Variants in KANK1 observed in about 807,000 individuals in gnomAD.
KANK1 encodes KN motif and ankyrin repeat domain-containing protein 1.
A neutral mutation model predicts 106.2 loss-of-function variants in KANK1; 109 were observed. The observed-to-expected ratio is 1.03, with a 90% CI of 0.88 to 1.20. The LOEUF (loss-of-function observed/expected upper bound fraction) is 1.20. Among genes scored for constraint, KANK1 ranks in the 50% most tolerant of loss-of-function variants. The pLI is 0.00. For missense variants in KANK1, 2,399 were observed against 1,710.7 expected (o/e 1.40, Z -7.10); for synonymous variants, 873 against 652.2 (o/e 1.34, Z -5.16).
chr9:557,341 G>A lies in KANK1; in HGVS notation c.-84+52587G>A, dbSNP rs549005027. 2.6e-5 allele frequency among the ~76,000 whole-genome samples: 4 copies of A among 152,258 alleles called. No homozygotes were observed. In the South Asian group the frequency reaches 8.3e-4, roughly 32 times the overall value. On this transcript the variant is annotated intron_variant, in intron 1 of 11. Coordinates refer to ENST00000382297, the MANE Select transcript of KANK1 (RefSeq NM_015158.5). ...TATATTAAAAAGGCTGGCAAAATAT[G>A]TATCATTGTTGAAGCTTAGTGATGG...
chr9:694,285 A>G (rs1030649031), intron 2 of KANK1, among the ~76,000 whole-genome samples: 2 of 152,226 alleles, frequency 1.3e-5, no homozygotes, highest in Admixed American at 6.5e-5. Context: ...TTTATCCCTA[A>G]GTTAGCCAGT....
chr9:568,648 C>G (rs919155685), intron 1 of KANK1, among the ~76,000 whole-genome samples: 16 of 152,128 alleles, frequency 1.1e-4, no homozygotes, highest in African/African-American at 3.4e-4. Context: ...CATCACCATG[C>G]CTGCCTAATT....
At chr9:543,481 C>T (rs1416740875) in intron 1 of KANK1, among the ~76,000 whole-genome samples, 3 of 151,384 alleles carry the variant, frequency 2.0e-5, no homozygotes, top group African/African-American at 7.3e-5. Flanking sequence ...ATTGCTTGAA[C>T]CCAGGAAGTG....
intron 1 of KANK1, among the ~76,000 whole-genome samples, chr9:655,724 A>G (rs559518719): frequency 6.6e-6 from 1 of 152,358 alleles, no homozygotes; most frequent in East Asian, 1.9e-4. Flanking sequence ...TATAGAACAA[A>G]TAAAAGCAAT....
At chr9:735,831 T>A in intron 7 of KANK1, 1 of 354,690 alleles carries the variant, frequency 2.8e-6, no homozygotes, top group Admixed American at 2.9e-5. Context: ...CTTTCTCTAC[T>A]AAAAATACAA....
rs75692877 is a variant in KANK1 at position 481,308 on chromosome 9, A to C, written c.-362+8035A>C. Among the ~76,000 whole-genome samples the C allele has an allele frequency of 1.5e-3, 231 of 152,132 alleles. 1 individual carries two copies. The highest frequency in any genetic ancestry group is 2.2e-3 in the Non-Finnish European group (150 of 67,994). On this transcript the variant is annotated intron_variant, in intron 3 of 15. Transcript: ENST00000382303. Reference sequence around the variant, plus strand: ...AACAAAACAAAACAAAAAAAAACCCAAAAACAAAAATAGACTGGTCTGGCC... The same window carrying C: ...AACAAAACAAAACAAAAAAAAACCCCAAAACAAAAATAGACTGGTCTGGCC...
intron 1 of KANK1, among the ~76,000 whole-genome samples, chr9:525,531 C>T (rs2059751444): frequency 6.6e-6 from 1 of 151,264 alleles, no homozygotes. Flanking sequence ...TGGGATGCGC[C>T]GCCATGCCCT....
At chr9:561,605 C>T (rs1816462694) in intron 1 of KANK1, among the ~76,000 whole-genome samples, 1 of 152,166 alleles carries the variant, frequency 6.6e-6, no homozygotes. Flanking sequence ...ATACTTATTG[C>T]CAAACTGCTT....
chr9:605,174 G>A (rs1031944952), intron 1 of KANK1, among the ~76,000 whole-genome samples: 2 of 151,258 alleles, frequency 1.3e-5, no homozygotes, highest in South Asian at 2.1e-4. Flanking sequence ...GGTGGTACGC[G>A]CCTGTAATCC....
At chr9:514,981 GACT>G (rs2059213566) in intron 1 of KANK1, among the ~76,000 whole-genome samples, 2 of 151,710 alleles carry the variant, frequency 1.3e-5, no homozygotes, top group African/African-American at 4.9e-5. Flanking sequence ...TTCCCTAGAT[GACT>G]AATGAAGATG....
intron 3 of KANK1, among the ~76,000 whole-genome samples, chr9:488,707 AC>A (rs1453305506): frequency 6.6e-6 from 1 of 152,182 alleles, no homozygotes; most frequent in African/African-American, 2.4e-5. Context: ...GTCAATAATG[AC>A]TGTCACTTTG....
intron 1 of KANK1, among the ~76,000 whole-genome samples, chr9:607,453 C>G (rs1004052279): frequency 2.1e-5 from 3 of 145,400 alleles, no homozygotes; most frequent in African/African-American, 7.9e-5. Context: ...CCATTGCACT[C>G]CAGCCTGGGC....
At chr9:636,442 C>A (rs1172471614) in intron 1 of KANK1, among the ~76,000 whole-genome samples, 1 of 152,178 alleles carries the variant, frequency 6.6e-6, no homozygotes, top group Non-Finnish European at 1.5e-5. Flanking sequence ...GTAAACATCT[C>A]ATTTCTCTTC....
chr9:708,965 A>G (rs1825124192), intron 2 of KANK1, among the ~76,000 whole-genome samples: 1 of 152,224 alleles, frequency 6.6e-6, no homozygotes, highest in African/African-American at 2.4e-5. Flanking sequence ...CTGCGCTTTG[A>G]AAGGTTCTTG....
chr9:677,098 C>A, intron 2 of KANK1, 89 bp downstream of exon 2: 1 of 1,209,434 alleles, frequency 8.3e-7, no homozygotes, highest in Non-Finnish European at 1.2e-6. Context: ...CGGATAATAG[C>A]AAGTTGCCTA....
At position 686,610 on chromosome 9, in the gene KANK1, T is replaced by A. The variant is rs1179235148; in HGVS notation, c.37+9601T>A. Among the ~76,000 whole-genome samples the A allele has an allele frequency of 2.0e-5, 3 of 152,216 alleles. No individual in the cohort carries two copies. In the South Asian group the frequency reaches 6.2e-4, roughly 32 times the overall value. ...AAAAATTAATTGCAAAACACTGTGA[T>A]GCCCTTTGCCACCAGATTTTTCCAT... On this transcript the variant is annotated intron_variant, in intron 2 of 11. Coordinates refer to ENST00000382297, the MANE Select transcript of KANK1 (RefSeq NM_015158.5).
chr9:671,240 G>C (rs540819031), intron 1 of KANK1, among the ~76,000 whole-genome samples: 2 of 149,894 alleles, frequency 1.3e-5, no homozygotes, highest in Non-Finnish European at 3.0e-5. Flanking sequence ...TTTTTTGTTT[G>C]TTTTTTGTTT....
intron 1 of KANK1, among the ~76,000 whole-genome samples, chr9:506,958 T>A (rs1335010661): frequency 6.6e-6 from 1 of 152,182 alleles, no homozygotes; most frequent in Non-Finnish European, 1.5e-5. Flanking sequence ...CTCGGGCTTT[T>A]TGTTGGATAA....
intron 1 of KANK1, among the ~76,000 whole-genome samples, chr9:561,269 C>G (rs1322711938): frequency 1.9e-4 from 29 of 152,154 alleles, no homozygotes; most frequent in Admixed American, 1.8e-3. Flanking sequence ...GCTTTGTAAA[C>G]ACACATAAAA....
Sources: allele counts gnomAD v4.1 joint callset (sites outside exome capture counted in the v4.1 genomes callset), GRCh38; gene constraint gnomAD v4.1.1; transcripts MANE v1.5; gene names NCBI Gene and HGNC (gene_info 2026-07-23, HGNC 2026-07-21).